Variants in RBM28 observed in about 807,000 individuals in gnomAD.
The protein encoded by RBM28 is RNA-binding protein 28.
Under a neutral mutation model 98.3 loss-of-function variants are expected in RBM28, and 78 were observed. The observed-to-expected ratio is 0.79, with a 90% CI of 0.66 to 0.96. The LOEUF is 0.96. RBM28 is among the 40% of genes least tolerant of loss of function. The pLI is 0.00. For synonymous variants in RBM28, 306 were observed against 330.9 expected (o/e 0.92, Z 0.82); for missense variants, 838 against 913.0 (o/e 0.92, Z 1.06).
intron 10 of RBM28, among the ~76,000 whole-genome samples, chr7:128,330,459 G>A (rs1317132030): frequency 7.5e-6 from 1 of 133,488 alleles, no homozygotes; most frequent in African/African-American, 2.8e-5. Flanking sequence ...TCGGCTCATT[G>A]CAACCTCCAC....
At position 128,333,243 on chromosome 7, in the gene RBM28, A is replaced by T. The variant is rs374603950; in HGVS notation, c.1019+47T>A. 5 of 1,415,448 alleles carry T rather than the reference A, an allele frequency of 3.5e-6. No homozygotes were observed. The African/African-American group carries it at 4.3e-5, about 12-fold the overall frequency. The allele number at this position is 1,415,448 out of a possible 1,614,324, so 87.7% of individuals were successfully genotyped here. The stretch of plus-strand genomic sequence containing the variant: ...AAAAAGAGAAGAAGAAGGAAGAGAG[A>T]TCTATGAAGACCACGCAAAAGCAAT... On this transcript the variant is annotated intron_variant, in intron 9 of 18. Transcript: ENST00000223073.
At chr7:128,338,398 C>T in intron 4 of RBM28, 56 bp from the exon 5 acceptor site, 1 of 1,426,396 alleles carries the variant, frequency 7.0e-7, no homozygotes, top group Middle Eastern at 1.8e-4. Context: ...AGCCAGAATA[C>T]TAAGAAGTAA....
intron 9 of RBM28, among the ~76,000 whole-genome samples, chr7:128,333,086 G>A (rs978068032): frequency 6.6e-6 from 1 of 152,158 alleles, no homozygotes; most frequent in Non-Finnish European, 1.5e-5. Flanking sequence ...AAATGAAAAC[G>A]TGATGTCAGG....
intron 6 of RBM28, among the ~76,000 whole-genome samples, 154 bp downstream of exon 6, chr7:128,336,977 A>C (rs1190432977): frequency 6.6e-6 from 1 of 152,056 alleles, no homozygotes; most frequent in Non-Finnish European, 1.5e-5. Context: ...CAAACTCCTG[A>C]CTGCAAGCAA....
chr7:128,313,067 A>G, intron 18 of RBM28, 108 bp downstream of exon 18: 1 of 1,143,106 alleles, frequency 8.7e-7, no homozygotes. Flanking sequence ...ACCGTCCTAC[A>G]CAGAAGTCTT....
rs1236782104 is a variant in RBM28, at chr7:128,304,771, G to A, written c.*6026C>T. ...CTCAGAATCCTGCTGCAGAGCTGAGGGCTGGATAATTTCATGTTCTCTGGC... is the reference window on the plus strand; with the variant it reads ...CTCAGAATCCTGCTGCAGAGCTGAGAGCTGGATAATTTCATGTTCTCTGGC... On this transcript the variant is annotated 3_prime_UTR_variant, in exon 19 of 19. Coordinates refer to ENST00000223073, the MANE Select transcript of RBM28 (RefSeq NM_018077.3). The A allele has an allele frequency of 6.6e-6, 1 of 152,304 alleles. No individual in the cohort carries two copies. Among genetic ancestry groups the A allele is most frequent in the Admixed American group, 6.5e-5 (1 of 15,286 alleles). The allele number at this position is 152,304 out of a possible 1,614,324, so 9.4% of individuals were successfully genotyped here.
intron 10 of RBM28, among the ~76,000 whole-genome samples, chr7:128,329,844 G>C (rs1796435616): frequency 7.2e-6 from 1 of 138,990 alleles, no homozygotes; most frequent in Non-Finnish European, 1.5e-5. Flanking sequence ...AGCCGAGATG[G>C]CGCCACTGCA....
chr7:128,321,502 A>G lies in RBM28; in HGVS notation c.1405-78T>C, dbSNP rs561348072. ...GCTCATAATTCTCCAAAAGGAAAGA[A>G]TTATGATCCTCATCCCATAACCACA... is the stretch of plus-strand genomic sequence containing the variant. On this transcript the variant is annotated intron_variant, in intron 13 of 18. Transcript: ENST00000223073. 4.6e-5 allele frequency: 72 copies of G among 1,555,162 alleles called. No homozygotes were observed. In the South Asian group the frequency reaches 7.2e-4, roughly 16 times the overall value.
In RBM28 at chr7:128,313,243, G is replaced by A. The variant is rs142674151; in HGVS notation, c.2077C>T (p.His693Tyr). ...LRDKGKVKPV[H>Y]PKKPKPQINQ... ...ATCTGTGGCTTTGGCTTTTTGGGAT[G>A]GACGGGCTTCACTTTGCCTTTGTCC... The change falls in exon 18 of 19, where the codon CAT becomes TAT. Residue 693 changes from histidine (H) to tyrosine (Y), a missense_variant. By Grantham distance (83) the His-to-Tyr change is moderately conservative (BLOSUM62 2). Coordinates refer to ENST00000223073, the MANE Select transcript of RBM28 (RefSeq NM_018077.3). The A allele has an allele frequency of 3.0e-3, 4,851 of 1,614,124 alleles. 13 individuals are homozygous for A. Among genetic ancestry groups the A allele is most frequent in the Non-Finnish European group, 3.6e-3 (4,282 of 1,180,006 alleles).
At chr7:128,313,695 G>T (rs1431999376) in intron 17 of RBM28, among the ~76,000 whole-genome samples, 1 of 152,186 alleles carries the variant, frequency 6.6e-6, no homozygotes, top group African/African-American at 2.4e-5. Flanking sequence ...TGAAGGCTGG[G>T]CCTGGTGGGA....
At chr7:128,342,405 A>G (rs1409587566) in intron 1 of RBM28, among the ~76,000 whole-genome samples, 1 of 152,228 alleles carries the variant, frequency 6.6e-6, no homozygotes. Context: ...CCTATCTCTG[A>G]GTAAAAGCCA....
At position 128,303,268 on chromosome 7, in the gene RBM28, G is replaced by A. The variant is rs1408307022; in HGVS notation, c.*7529C>T. 2 of 152,234 alleles carry A rather than the reference G, an allele frequency of 1.3e-5. No homozygotes were observed. The highest frequency in any genetic ancestry group is 2.1e-4 in the South Asian group (1 of 4,834). 9.4% of individuals were successfully genotyped at this position (152,234 alleles called of 1,614,324 possible). ...AGCACTCACGGCCAAGTGGGACCTT[G>A]CTCTGGTACTAGCTCAGGTGGCCAA... On this transcript the variant is annotated 3_prime_UTR_variant, in exon 19 of 19. Coordinates refer to ENST00000223073, the MANE Select transcript of RBM28 (RefSeq NM_018077.3).
rs775658501 is a variant in RBM28, at chr7:128,338,349, G to A, written c.449-7C>T. 1.7e-5 allele frequency: 27 copies of A among 1,611,350 alleles called. No homozygotes were observed. In the Admixed American group the frequency reaches 4.3e-4, roughly 26 times the overall value. ...AAACCGCGCATCTTCCCATCTGTGT[G>A]CAAATGCACAAAGAAAGAAGTGAGA... On this transcript the variant is annotated splice_region_variant and splice_polypyrimidine_tract_variant and intron_variant, in intron 4 of 18. Coordinates refer to ENST00000223073, the MANE Select transcript of RBM28 (RefSeq NM_018077.3).
intron 12 of RBM28, among the ~76,000 whole-genome samples, chr7:128,323,850 C>T (rs760452699): frequency 1.3e-5 from 2 of 152,200 alleles, no homozygotes; most frequent in Non-Finnish European, 2.9e-5. Context: ...AGAATCTTCA[C>T]GTACATGCCC....
At chr7:128,313,756 C>T (rs1268399379) in intron 17 of RBM28, among the ~76,000 whole-genome samples, 1 of 152,128 alleles carries the variant, frequency 6.6e-6, no homozygotes, top group Non-Finnish European at 1.5e-5. Flanking sequence ...AGCGCCATCC[C>T]CTCAGTGCTG....
intron 5 of RBM28, 57 bp from the exon 6 acceptor site, chr7:128,337,259 T>C: frequency 1.3e-6 from 2 of 1,536,768 alleles, no homozygotes; most frequent in Non-Finnish European, 1.8e-6. Context: ...CCTACCTCTG[T>C]AAATGACCCC....
At chr7:128,333,201 G>GT (rs1796522138) in intron 9 of RBM28, 89 bp downstream of exon 9, 1 of 1,035,342 alleles carries the variant, frequency 9.7e-7, no homozygotes, top group Admixed American at 1.7e-5. Context: ...TCTGGGCTAG[G>GT]TAACAGAACT....
At chr7:128,336,261 C>T (rs1300525675) in intron 6 of RBM28, among the ~76,000 whole-genome samples, 1 of 152,164 alleles carries the variant, frequency 6.6e-6, no homozygotes, top group Non-Finnish European at 1.5e-5. Context: ...GAGTTTGTCC[C>T]ATTCATCAGT....
At position 128,305,166 on chromosome 7, in the gene RBM28, A is replaced by G. The variant is rs1429567378; in HGVS notation, c.*5631T>C. ...CAAGAATGAAACTCTGTCTCAAAAA[A>G]AAAAAAAAAAAAAGAAAGTTCTGCA... On this transcript the variant is annotated 3_prime_UTR_variant, in exon 19 of 19. Coordinates refer to ENST00000223073, the MANE Select transcript of RBM28 (RefSeq NM_018077.3). 6 of 151,936 alleles carry G rather than the reference A, an allele frequency of 3.9e-5. No homozygotes were observed. The East Asian group carries it at 1.2e-3, about 29-fold the overall frequency. The allele number at this position is 151,936 out of a possible 1,614,324, so 9.4% of individuals were successfully genotyped here.
Sources: allele counts gnomAD v4.1 joint callset (sites outside exome capture counted in the v4.1 genomes callset), GRCh38; gene constraint gnomAD v4.1.1; transcripts MANE v1.5; gene names NCBI Gene and HGNC (gene_info 2026-07-23, HGNC 2026-07-21).